CCSER1: variants seen among roughly 807,000 people sequenced by gnomAD.
The protein encoded by CCSER1 is serine-rich coiled-coil domain-containing protein 1.
CCSER1 carries 41 observed loss-of-function variants against 82.0 expected under a neutral mutation model. That is an observed-to-expected ratio of 0.50 (90% CI 0.39 to 0.65). CCSER1 has a LOEUF of 0.65. CCSER1 is among the 30% of genes least tolerant of loss of function. The probability of loss-of-function intolerance (pLI) is 0.00; values close to 1 mark genes in which losing one functional copy is unlikely to be tolerated. For synonymous variants in CCSER1, 414 were observed against 383.9 expected (o/e 1.08, Z -0.92); for missense variants, 1,119 against 1,064.2 (o/e 1.05, Z -0.72).
At chr4:91,356,397 TG>T (rs1748836593) in intron 10 of CCSER1, among the ~76,000 whole-genome samples, 1 of 152,272 alleles carries the variant, frequency 6.6e-6, no homozygotes, top group Non-Finnish European at 1.5e-5. Flanking sequence ...ACCAAAATAT[TG>T]ACTTAAATCT....
intron 5 of CCSER1, among the ~76,000 whole-genome samples, chr4:90,482,430 C>G (rs1467239960): frequency 6.6e-6 from 1 of 152,082 alleles, no homozygotes; most frequent in African/African-American, 2.4e-5. Context: ...AATGTGTTTG[C>G]TCTTGCTTCT....
At chr4:90,713,286 T>G (rs528042471) in intron 6 of CCSER1, among the ~76,000 whole-genome samples, 3 of 152,042 alleles carry the variant, frequency 2.0e-5, no homozygotes. Context: ...GGTAACAGTT[T>G]TTCCCTTCCC....
intron 9 of CCSER1, among the ~76,000 whole-genome samples, chr4:91,023,449 C>CA (rs1561479522): frequency 6.6e-6 from 1 of 152,040 alleles, no homozygotes; most frequent in Non-Finnish European, 1.5e-5. Flanking sequence ...GTACTGGTAC[C>CA]AAAACAGAGA....
At chr4:90,138,182 C>T (rs1016225151) in intron 1 of CCSER1, among the ~76,000 whole-genome samples, 8 of 151,982 alleles carry the variant, frequency 5.3e-5, no homozygotes, top group African/African-American at 1.2e-4. Context: ...TTAAGAGTGA[C>T]GTGGATTTCT....
intron 1 of CCSER1, among the ~76,000 whole-genome samples, chr4:90,273,659 A>G (rs966017668): frequency 2.6e-5 from 4 of 152,190 alleles, no homozygotes; most frequent in Non-Finnish European, 5.9e-5. Context: ...TGTCTCGAAC[A>G]TATAAAACTT....
rs572494296 is a variant in CCSER1 at position 90,923,379 on chromosome 4, C to T, written c.2104C>T (p.Arg702Trp). The change falls in exon 9 of 11, where the codon CGG (arginine) becomes TGG (tryptophan). Residue 702 changes from arginine (R) to tryptophan (W), a missense_variant. Arg to Trp is a moderately radical substitution (Grantham distance 101). Coordinates refer to ENST00000509176, the MANE Select transcript of CCSER1 (RefSeq NM_001145065.2). ...SQLQEELGKV[R>W]HLQKAFASRV... ...TTTTTTCATTTTGCAGGGAAAAGTCCGGCATTTACAGAAGGCTTTTGCTTC... is the reference window on the plus strand; with the variant it reads ...TTTTTTCATTTTGCAGGGAAAAGTCTGGCATTTACAGAAGGCTTTTGCTTC... The T allele has an allele frequency of 8.3e-5, 128 of 1,551,126 alleles. No individual in the cohort carries two copies. Among genetic ancestry groups the T allele is most frequent in the South Asian group, 4.3e-4 (36 of 84,044 alleles).
chr4:91,124,302 G>C (rs982647375), intron 10 of CCSER1, among the ~76,000 whole-genome samples: 2 of 151,648 alleles, frequency 1.3e-5, no homozygotes, highest in Non-Finnish European at 3.0e-5. Context: ...AATAAAACAA[G>C]AGAAATTCTG....
intron 1 of CCSER1, among the ~76,000 whole-genome samples, chr4:90,146,434 C>T (rs1043256696): frequency 5.3e-5 from 8 of 151,944 alleles, no homozygotes; most frequent in East Asian, 1.9e-4. Flanking sequence ...ATCTCTTTTA[C>T]GGTGCATATT....
At chr4:90,774,648 A>G (rs1752664030) in intron 7 of CCSER1, among the ~76,000 whole-genome samples, 1 of 152,064 alleles carries the variant, frequency 6.6e-6, no homozygotes, top group East Asian at 1.9e-4. Flanking sequence ...CATCTTTTTA[A>G]TACCTTCCTT....
At chr4:91,385,953 T>C (rs1366114202) in intron 10 of CCSER1, among the ~76,000 whole-genome samples, 1 of 151,954 alleles carries the variant, frequency 6.6e-6, no homozygotes, top group African/African-American at 2.4e-5. Context: ...TATCCATGTG[T>C]ATTTATACAT....
intron 5 of CCSER1, among the ~76,000 whole-genome samples, chr4:90,536,085 T>C (rs1325363904): frequency 7.1e-6 from 1 of 141,478 alleles, no homozygotes; most frequent in Non-Finnish European, 1.5e-5. Flanking sequence ...CAGGCTGGAG[T>C]GCAGTGGTGA....
intron 8 of CCSER1, among the ~76,000 whole-genome samples, chr4:90,841,730 G>A (rs1762599485): frequency 6.6e-6 from 1 of 152,082 alleles, no homozygotes; most frequent in South Asian, 2.1e-4. Flanking sequence ...ACTTTCAAAA[G>A]CTAGGTTGAA....
chr4:91,170,432 T>C (rs1382526571), intron 10 of CCSER1, among the ~76,000 whole-genome samples: 1 of 152,060 alleles, frequency 6.6e-6, no homozygotes, highest in East Asian at 1.9e-4. Context: ...TTGTACTTCT[T>C]CTGAAAACAC....
chr4:91,416,817 T>G (rs1396177261), intron 10 of CCSER1, among the ~76,000 whole-genome samples: 2 of 151,944 alleles, frequency 1.3e-5, no homozygotes, highest in Non-Finnish European at 2.9e-5. Flanking sequence ...GAGGAACATG[T>G]CAAAAGGAAT....
chr4:90,174,980 A>G (rs1485291930), intron 1 of CCSER1, among the ~76,000 whole-genome samples: 1 of 152,038 alleles, frequency 6.6e-6, no homozygotes, highest in Non-Finnish European at 1.5e-5. Context: ...CCTTCTACCT[A>G]TGACCTAGCT....
chr4:90,912,647 T>C (rs1726594200), intron 8 of CCSER1, among the ~76,000 whole-genome samples: 2 of 152,130 alleles, frequency 1.3e-5, no homozygotes, highest in Admixed American at 1.3e-4. Flanking sequence ...AGAACGACAT[T>C]GACGAGCTGA....
chr4:90,440,252 GTCTCCACT>G (rs1023648137), intron 4 of CCSER1, among the ~76,000 whole-genome samples: 1 of 152,108 alleles, frequency 6.6e-6, no homozygotes, highest in Non-Finnish European at 1.5e-5. Flanking sequence ...GAATCCTCCT[GTCTCCACT>G]TCCCAAAATA....
chr4:91,176,084 C>A (rs1347674780), intron 10 of CCSER1, among the ~76,000 whole-genome samples: 1 of 152,184 alleles, frequency 6.6e-6, no homozygotes, highest in East Asian at 1.9e-4. Flanking sequence ...GATAGGGAAT[C>A]CTTTCCCCAT....
At chr4:90,371,272 T>A (rs999353591) in intron 3 of CCSER1, among the ~76,000 whole-genome samples, 8 of 152,142 alleles carry the variant, frequency 5.3e-5, no homozygotes, top group African/African-American at 1.4e-4. Flanking sequence ...TGTCTTTTTT[T>A]TAAAATAACA....
Sources: gnomAD v4.1 joint callset for allele counts (sites outside exome capture counted in the v4.1 genomes callset) on GRCh38, gnomAD v4.1.1 for gene constraint, MANE v1.5 for transcripts, NCBI Gene and HGNC (gene_info 2026-07-23, HGNC 2026-07-21) for gene names.